Variants in CACNA2D1 observed in about 807,000 individuals in gnomAD.
CACNA2D1 encodes the protein calcium voltage-gated channel auxiliary subunit alpha2delta 1.
CACNA2D1 carries 53 observed loss-of-function variants against 171.5 expected under a neutral mutation model. The observed-to-expected ratio is 0.31, with a 90% confidence interval of 0.25 to 0.39. The LOEUF (loss-of-function observed/expected upper bound fraction) is 0.39, where lower values mean the gene tolerates loss of function less well. Ranked by LOEUF, CACNA2D1 falls within the 10% of genes least tolerant of loss-of-function variation. The pLI is 1.00. For missense variants in CACNA2D1, 903 were observed against 1,299.8 expected, an observed-to-expected ratio of 0.69 and a Z score of 4.69; for synonymous variants, 442 against 443.1, an observed-to-expected ratio of 1.00 and a Z score of 0.03.
At chr7:81,953,751 T>G (rs1183419355) in intron 38 of CACNA2D1, among the ~76,000 whole-genome samples, 3 of 152,116 alleles carry the variant, frequency 2.0e-5, no homozygotes, top group Non-Finnish European at 4.4e-5. Flanking sequence ...TATGATTAAG[T>G]GTTAATTTGA....
At chr7:82,184,448 C>A (rs1797463285) in intron 3 of CACNA2D1, among the ~76,000 whole-genome samples, 1 of 152,036 alleles carries the variant, frequency 6.6e-6, no homozygotes, top group South Asian at 2.1e-4. Flanking sequence ...GTAAAATATT[C>A]AGTAGCTCTT....
At chr7:82,194,268 C>T (rs6953640) in intron 3 of CACNA2D1, among the ~76,000 whole-genome samples, 4,512 of 151,976 alleles carry the variant, frequency 0.03, 210 homozygotes, top group African/African-American at 0.1. Context: ...TCAAGAGCTC[C>T]GGTGACTGTC....
At chr7:82,178,535 T>C (rs1218097206) in intron 3 of CACNA2D1, among the ~76,000 whole-genome samples, 1 of 152,094 alleles carries the variant, frequency 6.6e-6, no homozygotes, top group Non-Finnish European at 1.5e-5. Context: ...ACCCCTCCAA[T>C]CCCACCATCA....
intron 24 of CACNA2D1, among the ~76,000 whole-genome samples, chr7:81,980,431 G>A (rs1584273504): frequency 6.6e-6 from 1 of 152,228 alleles, no homozygotes; most frequent in African/African-American, 2.4e-5. Context: ...ATTGATAGCT[G>A]ATCTACAGGA....
At chr7:82,441,381 T>C (rs918889320) in intron 1 of CACNA2D1, among the ~76,000 whole-genome samples, 2 of 152,066 alleles carry the variant, frequency 1.3e-5, no homozygotes, top group Non-Finnish European at 2.9e-5. Flanking sequence ...AGTATTTCAT[T>C]CATTAAATAA....
intron 21 of CACNA2D1, among the ~76,000 whole-genome samples, chr7:81,988,818 A>G (rs867312046): frequency 1.8e-4 from 27 of 152,198 alleles, no homozygotes; most frequent in African/African-American, 6.3e-4. Flanking sequence ...TTCAGAAGTA[A>G]ATAAAGCAGG....
At chr7:82,120,293 C>G (rs538528482) in intron 5 of CACNA2D1, among the ~76,000 whole-genome samples, 3 of 152,140 alleles carry the variant, frequency 2.0e-5, no homozygotes, top group Non-Finnish European at 4.4e-5. Flanking sequence ...TTTCAAATTT[C>G]AATCTCTAAA....
intron 1 of CACNA2D1, among the ~76,000 whole-genome samples, chr7:82,351,841 T>C (rs1819883625): frequency 6.6e-6 from 1 of 152,148 alleles, no homozygotes; most frequent in African/African-American, 2.4e-5. Context: ...ACTATCTCAT[T>C]TCTCTAAGCA....
intron 4 of CACNA2D1, among the ~76,000 whole-genome samples, chr7:82,137,240 A>G (rs2129079522): frequency 6.6e-6 from 1 of 152,326 alleles, no homozygotes; most frequent in African/African-American, 2.4e-5. Flanking sequence ...GTGAATTAGC[A>G]TTGGTGTTCT....
At chr7:82,038,776 T>C (rs546425143) in intron 10 of CACNA2D1, among the ~76,000 whole-genome samples, 7 of 152,268 alleles carry the variant, frequency 4.6e-5, no homozygotes, top group Non-Finnish European at 7.4e-5. Flanking sequence ...TGGTAGCCTT[T>C]TAGAAATATC....
chr7:82,074,428 A>T (rs1444617220), intron 7 of CACNA2D1, among the ~76,000 whole-genome samples: 1 of 152,064 alleles, frequency 6.6e-6, no homozygotes, highest in Non-Finnish European at 1.5e-5. Flanking sequence ...AGGTTGCACT[A>T]TGTTGGCCAG....
chr7:82,033,587 C>T (rs1211370960), intron 11 of CACNA2D1, among the ~76,000 whole-genome samples: 1 of 152,004 alleles, frequency 6.6e-6, no homozygotes, highest in Non-Finnish European at 1.5e-5. Flanking sequence ...AAATGCAATG[C>T]TCTTTTGTTC....
rs193237182 is a variant in CACNA2D1 at position 82,407,631 on chromosome 7, T to A, written c.95+35734A>T. Reference sequence around the variant, plus strand: ...ACATACAGTTGGAAAATTGCAAAAATTATTATTTTTAGACAATTTAGGTGG... The same window carrying A: ...ACATACAGTTGGAAAATTGCAAAAAATATTATTTTTAGACAATTTAGGTGG... On this transcript the variant is annotated intron_variant, in intron 1 of 38. Coordinates refer to ENST00000356860, the MANE Select transcript of CACNA2D1 (RefSeq NM_000722.4). 5.2e-4 allele frequency among the ~76,000 whole-genome samples: 78 copies of A among 151,320 alleles called. No homozygotes were observed. The East Asian group carries it at 0.015, about 28-fold the overall frequency.
intron 20 of CACNA2D1, among the ~76,000 whole-genome samples, chr7:81,993,019 A>AT (rs918851506): frequency 1.3e-5 from 2 of 152,184 alleles, no homozygotes; most frequent in Non-Finnish European, 2.9e-5. Context: ...AAAAGTTCTA[A>AT]TTCTATTTTA....
At chr7:82,081,781 C>A (rs1249782261) in intron 7 of CACNA2D1, among the ~76,000 whole-genome samples, 1 of 152,200 alleles carries the variant, frequency 6.6e-6, no homozygotes, top group African/African-American at 2.4e-5. Flanking sequence ...ACTGTGCCTG[C>A]TGGTCAGCAC....
At chr7:82,414,476 A>G (rs1190308638) in intron 1 of CACNA2D1, among the ~76,000 whole-genome samples, 2 of 152,220 alleles carry the variant, frequency 1.3e-5, no homozygotes, top group Non-Finnish European at 2.9e-5. Flanking sequence ...GGCGAAAGAA[A>G]TAAATAGTGG....
intron 3 of CACNA2D1, among the ~76,000 whole-genome samples, chr7:82,322,145 A>C (rs1257156896): frequency 6.7e-6 from 1 of 149,278 alleles, no homozygotes; most frequent in Non-Finnish European, 1.5e-5. Context: ...AAAAAAAAAA[A>C]AAAAAAAAAC....
At chr7:82,180,523 T>C (rs1365619968) in intron 3 of CACNA2D1, among the ~76,000 whole-genome samples, 2 of 152,156 alleles carry the variant, frequency 1.3e-5, no homozygotes, top group African/African-American at 4.8e-5. Context: ...TCTCAGACCC[T>C]TTACATTTCT....
In CACNA2D1 at chr7:82,237,037, A is replaced by T. The variant is rs1803664885; in HGVS notation, c.295-66428T>A. Among the ~76,000 whole-genome samples the T allele has an allele frequency of 1.3e-5, 2 of 151,978 alleles. 1 individual carries two copies. The highest frequency in any genetic ancestry group is 4.1e-4 in the South Asian group (2 of 4,836). The stretch of plus-strand genomic sequence containing the variant: ...AATATCCTTTAATGGATCCACTTAA[A>T]TCATAAACCAGCACTTGTAAAATTA... On this transcript the variant is annotated intron_variant, in intron 3 of 38. Transcript: ENST00000356860.
Sources: allele counts gnomAD v4.1 joint callset (sites outside exome capture counted in the v4.1 genomes callset), GRCh38; gene constraint gnomAD v4.1.1; transcripts MANE v1.5; gene names NCBI Gene and HGNC (gene_info 2026-07-23, HGNC 2026-07-21).